PKNOX2: variants seen among roughly 807,000 people sequenced by gnomAD.
PKNOX2 encodes the protein homeobox protein PKNOX2.
Under a neutral mutation model 53.1 loss-of-function variants are expected in PKNOX2, and 14 were observed. That is an observed-to-expected ratio of 0.26 (90% CI 0.17 to 0.41). PKNOX2 has a LOEUF of 0.41. Ranked by LOEUF, PKNOX2 falls within the 10% of genes least tolerant of loss-of-function variation. The probability of loss-of-function intolerance (pLI) is 1.00; values close to 1 mark genes in which losing one functional copy is unlikely to be tolerated. For missense variants in PKNOX2, 496 were observed against 602.8 expected, an observed-to-expected ratio of 0.82 and a Z score of 1.85; for synonymous variants, 257 against 242.8, an observed-to-expected ratio of 1.06 and a Z score of -0.54.
chr11:125,296,697 G>A (rs1238144246), intron 2 of PKNOX2, among the ~76,000 whole-genome samples: 7 of 152,110 alleles, frequency 4.6e-5, no homozygotes, highest in Admixed American at 6.5e-5. Context: ...GTGCAATGGC[G>A]CAATCTTGCC....
intron 2 of PKNOX2, among the ~76,000 whole-genome samples, chr11:125,266,180 C>T (rs533360076): frequency 2.6e-5 from 4 of 152,250 alleles, no homozygotes; most frequent in African/African-American, 7.2e-5. Flanking sequence ...TCAGAAAGCA[C>T]GAGCAGAGAG....
At chr11:125,229,127 C>G (rs1432176128) in intron 1 of PKNOX2, among the ~76,000 whole-genome samples, 7 of 152,190 alleles carry the variant, frequency 4.6e-5, no homozygotes, top group Admixed American at 4.6e-4. Flanking sequence ...TCCTGGCCCT[C>G]CTCCTCCAGC....
intron 4 of PKNOX2, among the ~76,000 whole-genome samples, chr11:125,362,648 G>A (rs908870801): frequency 7.9e-5 from 12 of 152,230 alleles, no homozygotes; most frequent in East Asian, 3.9e-4. Flanking sequence ...TGAGATTACC[G>A]GCATGAGCCA....
intron 2 of PKNOX2, among the ~76,000 whole-genome samples, chr11:125,300,367 A>T (rs1475357423): frequency 6.6e-6 from 1 of 152,188 alleles, no homozygotes; most frequent in Non-Finnish European, 1.5e-5. Flanking sequence ...GTATTACTCT[A>T]TTTAATCCTC....
At chr11:125,280,102 CTTTT>C (rs35541174) in intron 2 of PKNOX2, among the ~76,000 whole-genome samples, 8 of 133,166 alleles carry the variant, frequency 6.0e-5, no homozygotes, top group Admixed American at 1.5e-4. Context: ...ATTTTTTTTC[CTTTT>C]TTTTTTTTTT....
chr11:125,336,509 A>G (rs1950438287), intron 3 of PKNOX2, among the ~76,000 whole-genome samples: 1 of 149,182 alleles, frequency 6.7e-6, no homozygotes, highest in Non-Finnish European at 1.5e-5. Flanking sequence ...TATATACACC[A>G]TATATAATAT....
intron 11 of PKNOX2, 90 bp from the exon 12 acceptor site, chr11:125,429,873 T>C (rs977466898): frequency 4.2e-5 from 59 of 1,406,184 alleles, no homozygotes; most frequent in Non-Finnish European, 5.6e-5. Flanking sequence ...CTCTGTGAAA[T>C]GGAGTCTGAA....
chr11:125,199,642 A>G (rs12276233), intron 1 of PKNOX2, among the ~76,000 whole-genome samples: 16,107 of 152,136 alleles, frequency 0.11, 1,988 homozygotes, highest in African/African-American at 0.28. Flanking sequence ...TCAGGGGTTC[A>G]AGACCAGCCT....
chr11:125,304,674 C>T (rs12792626), intron 2 of PKNOX2, among the ~76,000 whole-genome samples: 29,852 of 152,188 alleles, frequency 0.2, 3,508 homozygotes, highest in East Asian at 0.33. Context: ...GAGCAATGTC[C>T]TTCTCTGGAG....
chr11:125,247,335 C>T (rs962404650), intron 2 of PKNOX2, among the ~76,000 whole-genome samples: 2 of 152,168 alleles, frequency 1.3e-5, no homozygotes, highest in African/African-American at 4.8e-5. Flanking sequence ...GCTCATCTTC[C>T]TTGAGCTCAC....
In PKNOX2 at chr11:125,221,162, AC is replaced by A. The variant is rs547274578; in HGVS notation, c.-200-13882del. Reference sequence around the variant, plus strand: ...AGAGTGAGACTCTGTCTAAAAAAAAACAAAACAAAAATTGTCACCATCTAAT... The same window carrying A: ...AGAGTGAGACTCTGTCTAAAAAAAAAAAAACAAAAATTGTCACCATCTAAT... On this transcript the variant is annotated intron_variant, in intron 1 of 12. Coordinates refer to ENST00000298282, the MANE Select transcript of PKNOX2 (RefSeq NM_001382323.2). Among the ~76,000 whole-genome samples, 169 of 151,344 alleles carry A rather than the reference AC, an allele frequency of 1.1e-3. 2 individuals carry two copies. The highest frequency in any genetic ancestry group is 4.0e-3 in the African/African-American group (164 of 40,720).
intron 3 of PKNOX2, among the ~76,000 whole-genome samples, chr11:125,348,177 C>T (rs1951095579): frequency 1.3e-5 from 2 of 152,194 alleles, no homozygotes; most frequent in South Asian, 2.1e-4. Flanking sequence ...ACAGATAAGG[C>T]GAGTCAGATC....
chr11:125,270,429 C>G (rs928746459), intron 2 of PKNOX2, among the ~76,000 whole-genome samples: 1 of 152,142 alleles, frequency 6.6e-6, no homozygotes, highest in African/African-American at 2.4e-5. Flanking sequence ...GGGCTGAAGC[C>G]TTGGAGGTTT....
At chr11:125,190,442 G>C (rs994514787) in intron 1 of PKNOX2, among the ~76,000 whole-genome samples, 1 of 152,036 alleles carries the variant, frequency 6.6e-6, no homozygotes, top group Non-Finnish European at 1.5e-5. Context: ...CTTCCTATTC[G>C]TTCTGCGATC....
intron 6 of PKNOX2, among the ~76,000 whole-genome samples, chr11:125,388,158 C>T (rs1195066887): frequency 6.6e-6 from 1 of 151,908 alleles, no homozygotes; most frequent in African/African-American, 2.4e-5. Flanking sequence ...CCACCCCCAC[C>T]CCTGGTCCTG....
At chr11:125,409,717 A>T (rs1230245154) in intron 7 of PKNOX2, among the ~76,000 whole-genome samples, 1 of 152,026 alleles carries the variant, frequency 6.6e-6, no homozygotes, top group Non-Finnish European at 1.5e-5. Flanking sequence ...GCAGGTGCCG[A>T]CCAGGTGAAG....
chr11:125,249,110 G>A (rs997950228), intron 2 of PKNOX2, among the ~76,000 whole-genome samples: 8 of 117,000 alleles, frequency 6.8e-5, no homozygotes, highest in African/African-American at 2.3e-4. Context: ...TGCATCTTGA[G>A]GGTGATTATA....
chr11:125,420,054 G>A lies in PKNOX2; in HGVS notation c.936+8189G>A, dbSNP rs1029513782. ...TACAAAAAAATAGCCAGGCATGGTG[G>A]TGGGCACCTGTAGTCCCAGCTATTT... is the stretch of plus-strand genomic sequence containing the variant. On this transcript the variant is annotated intron_variant, in intron 10 of 12. Transcript: ENST00000298282. Among the ~76,000 whole-genome samples the A allele has an allele frequency of 4.6e-5, 7 of 151,336 alleles. 1 individual carries two copies. The highest frequency in any genetic ancestry group is 1.7e-4 in the African/African-American group (7 of 40,846).
At chr11:125,419,708 G>T (rs766198067) in intron 10 of PKNOX2, among the ~76,000 whole-genome samples, 1 of 151,754 alleles carries the variant, frequency 6.6e-6, no homozygotes, top group Non-Finnish European at 1.5e-5. Context: ...TAGTTCAAAA[G>T]CTTGCTTTAC....
Sources: allele counts gnomAD v4.1 joint callset (sites outside exome capture counted in the v4.1 genomes callset), GRCh38; gene constraint gnomAD v4.1.1; transcripts MANE v1.5; gene names NCBI Gene and HGNC (gene_info 2026-07-23, HGNC 2026-07-21).